Variants in OMA1 observed in about 807,000 individuals in gnomAD.
OMA1 encodes the protein metalloendopeptidase OMA1, mitochondrial.
In OMA1, 38 loss-of-function variants were observed where a neutral mutation model predicts 30.9. That is an observed-to-expected ratio of 1.23 (90% confidence interval 0.95 to 1.61). The LOEUF (loss-of-function observed/expected upper bound fraction) is 1.61. Ranked by LOEUF, OMA1 falls within the 40% of genes most tolerant of loss-of-function variation. OMA1 has a pLI of 0.00. For synonymous variants in OMA1, 173 were observed against 121.9 expected (o/e 1.42, Z -2.76); for missense variants, 461 against 349.2 (o/e 1.32, Z -2.55).
intron 7 of OMA1, among the ~76,000 whole-genome samples, chr1:58,520,102 G>T (rs116850454): frequency 0.017 from 2,517 of 152,250 alleles, 57 homozygotes; most frequent in East Asian, 0.12. Flanking sequence ...CCAGAGGGAA[G>T]GGGGAAGGAG....
chr1:58,539,398 T>C lies in OMA1; in HGVS notation c.-16-88A>G, dbSNP rs1569980520. 3.7e-5 allele frequency: 24 copies of C among 657,492 alleles called. No homozygotes were observed. The South Asian group carries it at 3.8e-4, about 10-fold the overall frequency. The allele number at this position is 657,492 out of a possible 1,614,324, so 40.7% of individuals were successfully genotyped here. A position where few individuals can be genotyped will look rare whatever the true frequency, so the allele number is the denominator to read the frequency against. ...AACACTTATTAAATAGGCGTGTCAG[T>C]TGTTCTTCTAACACATCTCAGGCTA... On this transcript the variant is annotated intron_variant, in intron 1 of 8. Coordinates refer to ENST00000371226, the MANE Select transcript of OMA1 (RefSeq NM_145243.5).
chr1:58,482,981 C>T (rs992992170), intron 8 of OMA1, among the ~76,000 whole-genome samples: 1 of 152,176 alleles, frequency 6.6e-6, no homozygotes, highest in Non-Finnish European at 1.5e-5. Flanking sequence ...TGTCTCTAAA[C>T]ACCTAAAAGC....
intron 7 of OMA1, 58 bp from the exon 8 acceptor site, chr1:58,506,267 A>G (rs1320828737): frequency 2.6e-6 from 2 of 779,332 alleles, no homozygotes; most frequent in East Asian, 2.5e-5. Context: ...TTTTTTAAAA[A>G]CTACTACTTT....
At chr1:58,495,144 T>C (rs908452134) in intron 8 of OMA1, among the ~76,000 whole-genome samples, 5 of 152,070 alleles carry the variant, frequency 3.3e-5, no homozygotes, top group African/African-American at 1.2e-4. Context: ...CTGGAAACCA[T>C]CATTCTCAGC....
chr1:58,531,688 G>A (rs1046558742), intron 5 of OMA1, among the ~76,000 whole-genome samples: 1 of 147,534 alleles, frequency 6.8e-6, no homozygotes, highest in East Asian at 2.0e-4. Flanking sequence ...ACACAAATGT[G>A]TGTTTTGAAA....
rs202064057 is a variant in OMA1, at chr1:58,538,934, C to T, written c.361G>A (p.Val121Ile). ...GAAGCAGGGCTTAGAGGATGCAATA[C>T]TGACAGACTAGGGACTGCTGTAACT... is the stretch of plus-strand genomic sequence containing the variant. ...KEVTAVPSLS[V>I]LHPLSPASIR... Residue 121 changes from valine (V) to isoleucine (I), a missense_variant, in exon 2 of 9, where the codon GTA becomes ATA. Val to Ile is a conservative substitution (Grantham distance 29). Transcript: ENST00000371226. The T allele has an allele frequency of 6.0e-5, 52 of 872,902 alleles. No individual in the cohort carries two copies. In the East Asian group the frequency reaches 1.2e-3, roughly 21 times the overall value. The allele number at this position is 872,902 out of a possible 1,614,324, so 54.1% of individuals were successfully genotyped here.
At chr1:58,494,405 A>T (rs1451935027) in intron 8 of OMA1, among the ~76,000 whole-genome samples, 2 of 152,176 alleles carry the variant, frequency 1.3e-5, no homozygotes, top group African/African-American at 4.8e-5. Flanking sequence ...AACAAAAGCC[A>T]AAATTGATAA....
At chr1:58,532,562 C>G (rs1646450376) in intron 5 of OMA1, among the ~76,000 whole-genome samples, 1 of 152,184 alleles carries the variant, frequency 6.6e-6, no homozygotes, top group Non-Finnish European at 1.5e-5. Context: ...GTGTCTCACT[C>G]TGTCACCCAG....
rs1646561576 is a variant in OMA1 at position 58,538,998 on chromosome 1, T to C, written c.297A>G (p.Val99=). 1.1e-6 allele frequency: 1 copy of C among 872,864 alleles called. No homozygotes were observed. 54.1% of individuals were successfully genotyped at this position (872,864 alleles called of 1,614,324 possible). ...EIWRITSKCT[V]WNDAFSRQLL... ...GCTGTCTTGAAAAAGCATCATTCCA[T>C]ACAGTACATTTGCTGGTAATCCTCC... The change falls in exon 2 of 9, where the codon GTA becomes GTG. Residue 99 remains valine (V), a synonymous_variant. Transcript: ENST00000371226.
rs1645987069 is a variant in OMA1 at position 58,506,210 on chromosome 1, C to T, written c.1216-1G>A. The stretch of plus-strand genomic sequence containing the variant: ...AACTGGCTCTTATGTCTGCACAAGC[C>T]TAAAACCAAAATTAGTAAAACCACA... On this transcript the variant is annotated splice_acceptor_variant, in intron 7 of 8. Transcript: ENST00000371226. LOFTEE classifies it high-confidence loss of function. The T allele has an allele frequency of 1.2e-6, 1 of 863,592 alleles. No homozygotes were observed. The highest frequency in any genetic ancestry group is 1.3e-5 in the South Asian group (1 of 74,886). 53.5% of individuals were successfully genotyped at this position (863,592 alleles called of 1,614,324 possible).
intron 6 of OMA1, 117 bp from the exon 7 acceptor site, chr1:58,527,452 C>T: frequency 1.6e-6 from 1 of 641,508 alleles, no homozygotes; most frequent in East Asian, 2.7e-5. Flanking sequence ...AATTCCTATA[C>T]TGTCTACTAA....
intron 8 of OMA1, among the ~76,000 whole-genome samples, chr1:58,488,318 T>TTTTA (rs1029137328): frequency 2.0e-5 from 3 of 152,164 alleles, no homozygotes; most frequent in African/African-American, 2.4e-5. Context: ...CATAACTTTG[T>TTTTA]TTTATTTATT....
chr1:58,484,663 C>T (rs1033125149), intron 8 of OMA1, among the ~76,000 whole-genome samples: 1 of 152,088 alleles, frequency 6.6e-6, no homozygotes, highest in African/African-American at 2.4e-5. Flanking sequence ...TTGGAAATAA[C>T]CAAGATTTCC....
At chr1:58,546,353 G>C (rs1393859101) in intron 1 of OMA1, among the ~76,000 whole-genome samples, 1 of 152,210 alleles carries the variant, frequency 6.6e-6, no homozygotes, top group African/African-American at 2.4e-5. Flanking sequence ...CGGAGCCGCG[G>C]ATAAGGGCGG....
chr1:58,531,123 C>T (rs1646428338), intron 5 of OMA1, among the ~76,000 whole-genome samples: 1 of 152,120 alleles, frequency 6.6e-6, no homozygotes, highest in Admixed American at 6.5e-5. Context: ...GAAATCAAAC[C>T]CGGTCAGTTT....
chr1:58,520,425 T>C (rs1179483545), intron 7 of OMA1, among the ~76,000 whole-genome samples: 1 of 152,134 alleles, frequency 6.6e-6, no homozygotes, highest in East Asian at 1.9e-4. Context: ...GAGAAGATAA[T>C]TCACAAAGGA....
chr1:58,508,867 T>C (rs1043109832), intron 7 of OMA1, among the ~76,000 whole-genome samples: 1 of 151,720 alleles, frequency 6.6e-6, no homozygotes, highest in African/African-American at 2.4e-5. Context: ...GTAGATCACG[T>C]GTCCAACATT....
chr1:58,506,106 G>A lies in OMA1; in HGVS notation c.1319C>T (p.Pro440Leu), dbSNP rs376478589. Residue 440 changes from proline (P) to leucine (L), a missense_variant, in exon 8 of 9, where the codon CCT becomes CTT. By Grantham distance (98) the Pro-to-Leu change is moderately conservative (BLOSUM62 -3). Coordinates refer to ENST00000371226, the MANE Select transcript of OMA1 (RefSeq NM_145243.5). ...PKMPEWLSTH[P>L]SHGNRVEYLD... ...GTACTCAACTCGATTGCCATGAGAA[G>A]GGTGTGTAGATAACCATTCTGGCAT... 9 of 872,120 alleles carry A rather than the reference G, an allele frequency of 1.0e-5. No individual in the cohort carries two copies. In the African/African-American group the frequency reaches 1.1e-4, roughly 11 times the overall value. The allele number at this position is 872,120 out of a possible 1,614,324, so 54.0% of individuals were successfully genotyped here.
chr1:58,492,986 T>A (rs959838131), intron 8 of OMA1, among the ~76,000 whole-genome samples: 2 of 152,174 alleles, frequency 1.3e-5, no homozygotes, highest in African/African-American at 4.8e-5. Context: ...TAGACCAATA[T>A]CCCTGATGAA....
Sources: allele counts gnomAD v4.1 joint callset (sites outside exome capture counted in the v4.1 genomes callset), GRCh38; gene constraint gnomAD v4.1.1; transcripts MANE v1.5; gene names NCBI Gene and HGNC (gene_info 2026-07-23, HGNC 2026-07-21).